The following PPL variants were observed in gnomAD, a reference collection of about 807,000 sequenced individuals.
PPL encodes the protein periplakin, also known as 190 kDa paraneoplastic pemphigus antigen.
In PPL, 198 loss-of-function variants were observed where a neutral mutation model predicts 194.4. That is an observed-to-expected ratio of 1.02 (90% CI 0.91 to 1.15). The LOEUF (loss-of-function observed/expected upper bound fraction) is 1.15. Ranked by LOEUF, PPL falls within the 50% of genes most tolerant of loss-of-function variation. PPL has a pLI of 0.00. For synonymous variants in PPL, 1,220 were observed against 972.4 expected, an observed-to-expected ratio of 1.25 and a Z score of -4.74; for missense variants, 2,885 against 2,294.8, an observed-to-expected ratio of 1.26 and a Z score of -5.25.
chr16:4,904,857 G>A (rs187020237), intron 2 of PPL, among the ~76,000 whole-genome samples: 94 of 152,308 alleles, frequency 6.2e-4, no homozygotes, highest in African/African-American at 2.2e-3. Context: ...ACAGCGAGGT[G>A]GCACCAGCAA....
intron 4 of PPL, among the ~76,000 whole-genome samples, chr16:4,901,723 G>C (rs1173028819): frequency 7.1e-6 from 1 of 140,800 alleles, no homozygotes; most frequent in Non-Finnish European, 1.5e-5. Flanking sequence ...TAAAACTGGG[G>C]AAGCTCAGGA....
intron 8 of PPL, among the ~76,000 whole-genome samples, chr16:4,898,060 A>G (rs931437579): frequency 2.0e-5 from 3 of 152,188 alleles, no homozygotes; most frequent in Admixed American, 6.5e-5. Flanking sequence ...AGGCACTGTC[A>G]TGGACCGAAC....
At chr16:4,923,710 C>T (rs1382492520) in intron 1 of PPL, among the ~76,000 whole-genome samples, 1 of 152,126 alleles carries the variant, frequency 6.6e-6, no homozygotes, top group African/African-American at 2.4e-5. Context: ...CTCTCTGTGC[C>T]TCAGTTTCCT....
At chr16:4,890,994 G>A in intron 16 of PPL, 73 bp from the exon 17 acceptor site, 1 of 1,313,228 alleles carries the variant, frequency 7.6e-7, no homozygotes, top group Non-Finnish European at 1.0e-6. Context: ...ACCCACTGAA[G>A]CCCCTGGGCC....
Position 4,900,812 on chromosome 16 carries a change from C to T in PPL, c.606+18G>A, listed in dbSNP as rs1362518287. ...CTCTCCTCTCCCCATGAGGCCTTTC[C>T]CCCAGGGAGCTCCTCACCAGCAGTT... On this transcript the variant is annotated intron_variant, in intron 6 of 21. Transcript: ENST00000345988. The T allele has an allele frequency of 2.5e-6, 4 of 1,613,962 alleles. No individual in the cohort carries two copies. In the African/African-American group the frequency reaches 5.3e-5, roughly 22 times the overall value.
chr16:4,888,440 T>G (rs1482161580), intron 19 of PPL, among the ~76,000 whole-genome samples: 1 of 152,210 alleles, frequency 6.6e-6, no homozygotes, highest in South Asian at 2.1e-4. Flanking sequence ...CAGTAACATA[T>G]GAGACAAGAA....
At chr16:4,931,578 C>A (rs569569807) in intron 1 of PPL, among the ~76,000 whole-genome samples, 1 of 152,290 alleles carries the variant, frequency 6.6e-6, no homozygotes, top group East Asian at 1.9e-4. Context: ...CCGGGGCAGG[C>A]AGGCTGGGAG....
chr16:4,935,470 G>A (rs1250084050), intron 1 of PPL, among the ~76,000 whole-genome samples: 1 of 152,218 alleles, frequency 6.6e-6, no homozygotes, highest in Non-Finnish European at 1.5e-5. Flanking sequence ...CCAGGGAACA[G>A]TGCAGGGACT....
At chr16:4,931,613 C>T (rs551722873) in intron 1 of PPL, among the ~76,000 whole-genome samples, 5 of 152,238 alleles carry the variant, frequency 3.3e-5, no homozygotes, top group Middle Eastern at 6.8e-3. Flanking sequence ...CCGGTAACAC[C>T]GGCACAGACC....
chr16:4,883,464 T>A lies in PPL; in HGVS notation c.5191A>T (p.Thr1731Ser). The change falls in exon 22 of 22, where the codon ACC (threonine) becomes TCC (serine). Residue 1731 changes from threonine (T) to serine (S), a missense_variant. Transcript: ENST00000345988. This position sits in a 1 kb window ranked among gnomAD's most constrained non-coding sequence, Gnocchi z 4.8. ...ACATAGCGGTCATACTGAGCAGGGG[T>A]CAGCCTGCCACTCTGCAGGGCCTCT... ...IEEALQSGRL[T>S]PAQYDRYVNK... The A allele has an allele frequency of 6.2e-7, 1 of 1,614,068 alleles. No homozygotes were observed. Among genetic ancestry groups the A allele is most frequent in the South Asian group, 1.1e-5 (1 of 91,080 alleles).
At chr16:4,895,494 G>T in intron 10 of PPL, 87 bp from the exon 11 acceptor site, 1 of 1,602,344 alleles carries the variant, frequency 6.2e-7, no homozygotes, top group Non-Finnish European at 8.5e-7. Flanking sequence ...GATTCAGCAG[G>T]TGGGGTGCTG....
intron 4 of PPL, among the ~76,000 whole-genome samples, chr16:4,901,873 G>A (rs920452028): frequency 2.6e-5 from 4 of 152,032 alleles, no homozygotes; most frequent in African/African-American, 9.7e-5. Flanking sequence ...CTGGGAAGTT[G>A]ACGCTGCAGT....
chr16:4,890,250 G>GA lies in PPL; in HGVS notation c.2246dup (p.Ser751GlnfsTer26). On this transcript the variant is annotated frameshift_variant, in exon 18 of 22. Coordinates refer to ENST00000345988, the MANE Select transcript of PPL (RefSeq NM_002705.5). LOFTEE classifies it high-confidence loss of function. ...CTGTCTCCTGGGGCTCGTAACTGGGGATGCTGACTAGGAACTGCAGCACGT... is the reference window on the plus strand; with the variant it reads ...CTGTCTCCTGGGGCTCGTAACTGGGGAATGCTGACTAGGAACTGCAGCACGT... The GA allele has an allele frequency of 6.2e-7, 1 of 1,614,228 alleles. No homozygotes were observed. Among genetic ancestry groups the GA allele is most frequent in the Non-Finnish European group, 8.5e-7 (1 of 1,180,040 alleles).
At chr16:4,894,975 T>C (rs1596551285) in intron 11 of PPL, among the ~76,000 whole-genome samples, 1 of 152,130 alleles carries the variant, frequency 6.6e-6, no homozygotes, top group Non-Finnish European at 1.5e-5. Flanking sequence ...GCCACAGTGA[T>C]TGGTGTAGGA....
At position 4,890,930 on chromosome 16, in the gene PPL, G is replaced by A. The variant is rs1329405487; in HGVS notation, c.1969-9C>T. 7 of 1,509,034 alleles carry A rather than the reference G, an allele frequency of 4.6e-6. No individual in the cohort carries two copies. The highest frequency in any genetic ancestry group is 6.2e-6 in the Non-Finnish European group (7 of 1,121,904). The allele number at this position is 1,509,034 out of a possible 1,614,324, so 93.5% of individuals were successfully genotyped here. A position where few individuals can be genotyped will look rare whatever the true frequency, so the allele number is the denominator to read the frequency against. On this transcript the variant is annotated splice_polypyrimidine_tract_variant and intron_variant, in intron 16 of 21. Transcript: ENST00000345988. ...AACTCACAGGCCATGGCCTGGCGGGGCAGAGGAGGAGACGGCGGTGCTACG... is the reference window on the plus strand; with the variant it reads ...AACTCACAGGCCATGGCCTGGCGGGACAGAGGAGGAGACGGCGGTGCTACG...
chr16:4,908,354 T>A (rs1029499694), intron 2 of PPL, among the ~76,000 whole-genome samples: 1 of 151,882 alleles, frequency 6.6e-6, no homozygotes, highest in Non-Finnish European at 1.5e-5. Flanking sequence ...TAAAAATGGT[T>A]CAAAATTACC....
chr16:4,889,242 T>TA (rs2088274993), intron 18 of PPL, among the ~76,000 whole-genome samples, 181 bp from the exon 19 acceptor site: 1 of 9,378 alleles, frequency 1.1e-4, no homozygotes, highest in Non-Finnish European at 4.6e-4. Context: ...GTTGTTGTTG[T>TA]TTTTTTTTTT....
chr16:4,919,070 C>CCA (rs1284164024), intron 1 of PPL, among the ~76,000 whole-genome samples: 2 of 152,210 alleles, frequency 1.3e-5, no homozygotes, highest in African/African-American at 2.4e-5. Flanking sequence ...TCCCCCCTCC[C>CCA]CACACACACA....
At chr16:4,929,300 C>A (rs1323151177) in intron 1 of PPL, among the ~76,000 whole-genome samples, 1 of 152,008 alleles carries the variant, frequency 6.6e-6, no homozygotes, top group East Asian at 1.9e-4. Context: ...CAGGACTGGG[C>A]CCCCTTTGCT....
Sources: gnomAD v4.1 joint callset for allele counts (sites outside exome capture counted in the v4.1 genomes callset) on GRCh38, gnomAD v4.1.1 for gene constraint, Gnocchi (gnomAD v3.1) non-coding constraint, MANE v1.5 for transcripts, NCBI Gene and HGNC (gene_info 2026-07-23, HGNC 2026-07-21) for gene names.